CTNND2: variants seen among roughly 807,000 people sequenced by gnomAD.
CTNND2 encodes catenin delta-2.
A neutral mutation model predicts 144.4 loss-of-function variants in CTNND2; 22 were observed. The observed-to-expected ratio is 0.15, with a 90% confidence interval of 0.11 to 0.22. CTNND2 has a LOEUF of 0.22. Ranked by LOEUF, CTNND2 falls within the 10% of genes least tolerant of loss-of-function variation. The probability of loss-of-function intolerance (pLI) is 1.00; values close to 1 mark genes in which losing one functional copy is unlikely to be tolerated. For synonymous variants in CTNND2, 751 were observed against 695.6 expected (o/e 1.08, Z -1.25); for missense variants, 1,353 against 1,618.8 (o/e 0.84, Z 2.82).
chr5:10,998,151 G>A (rs1739548768), intron 18 of CTNND2, among the ~76,000 whole-genome samples: 1 of 152,170 alleles, frequency 6.6e-6, no homozygotes, highest in African/African-American at 2.4e-5. Flanking sequence ...AATCAAATAT[G>A]GAAAATGCAA....
intron 12 of CTNND2, among the ~76,000 whole-genome samples, chr5:11,154,587 C>T (rs1314389868): frequency 6.6e-6 from 1 of 152,148 alleles, no homozygotes; most frequent in African/African-American, 2.4e-5. Flanking sequence ...CATCCTCAGG[C>T]GGCTCCTTGG....
Position 11,199,671 on chromosome 5 carries a change from C to CA in CTNND2, c.1762-11dup, listed in dbSNP as rs1431336090. The CA allele has an allele frequency of 6.2e-7, 1 of 1,608,600 alleles. No individual in the cohort carries two copies. The highest frequency in any genetic ancestry group is 1.7e-4 in the Middle Eastern group (1 of 5,938). On this transcript the variant is annotated splice_polypyrimidine_tract_variant and intron_variant, in intron 10 of 21. Transcript: ENST00000304623. ...CTCCTTGTCTCCTTATCTGAAAGAG[C>CA]AAAGGACACCACTTTTGCTTTACAG...
intron 2 of CTNND2, among the ~76,000 whole-genome samples, chr5:11,714,187 A>G (rs1581762293): frequency 1.3e-5 from 2 of 152,196 alleles, no homozygotes; most frequent in African/African-American, 4.8e-5. Flanking sequence ...TGGAGCTAAC[A>G]TTGGTAGAAA....
At chr5:11,143,292 A>G (rs74875636) in intron 12 of CTNND2, among the ~76,000 whole-genome samples, 15,129 of 152,136 alleles carry the variant, frequency 0.099, 974 homozygotes, top group Non-Finnish European at 0.14. Context: ...AGTTTGCTAG[A>G]GCTGCTGTAA....
At chr5:11,058,945 C>A (rs1490909009) in intron 16 of CTNND2, among the ~76,000 whole-genome samples, 1 of 152,308 alleles carries the variant, frequency 6.6e-6, no homozygotes, top group Non-Finnish European at 1.5e-5. Flanking sequence ...TTGTTTTGGC[C>A]AATTTCTCAC....
At chr5:11,282,229 C>A (rs1747222728) in intron 9 of CTNND2, among the ~76,000 whole-genome samples, 2 of 152,252 alleles carry the variant, frequency 1.3e-5, no homozygotes, top group South Asian at 4.1e-4. Flanking sequence ...GGAAAAAAAG[C>A]AATTCATGCT....
chr5:11,538,584 G>A (rs560521402), intron 3 of CTNND2, among the ~76,000 whole-genome samples: 97 of 152,218 alleles, frequency 6.4e-4, no homozygotes, highest in African/African-American at 2.3e-3. Flanking sequence ...CTCTCTAGAT[G>A]CCCAGAAACC....
intron 5 of CTNND2, among the ~76,000 whole-genome samples, chr5:11,407,147 C>T (rs1761163063): frequency 6.6e-6 from 1 of 152,148 alleles, no homozygotes; most frequent in Admixed American, 6.5e-5. Context: ...TGGTCCTAGG[C>T]AGTTCAAGTC....
chr5:11,833,280 A>C lies in CTNND2; in HGVS notation c.37+70537T>G, dbSNP rs577719211. Among the ~76,000 whole-genome samples the C allele has an allele frequency of 2.2e-4, 34 of 152,334 alleles. No homozygotes were observed. The South Asian group carries it at 6.6e-3, about 30-fold the overall frequency. Reference sequence around the variant, plus strand: ...ACAAATTGTGACAAAGCCACAATGAATACTACTCAGTATTTTTTTAATGTA... The same window carrying C: ...ACAAATTGTGACAAAGCCACAATGACTACTACTCAGTATTTTTTTAATGTA... On this transcript the variant is annotated intron_variant, in intron 1 of 21. Coordinates refer to ENST00000304623, the MANE Select transcript of CTNND2 (RefSeq NM_001332.4).
intron 2 of CTNND2, among the ~76,000 whole-genome samples, chr5:11,606,892 C>T (rs1175891619): frequency 2.0e-5 from 3 of 152,084 alleles, no homozygotes; most frequent in Non-Finnish European, 4.4e-5. Context: ...ATGTTAGCAT[C>T]CCAATCCCCA....
intron 2 of CTNND2, among the ~76,000 whole-genome samples, chr5:11,635,825 G>C (rs753100968): frequency 1.7e-4 from 26 of 151,866 alleles, no homozygotes; most frequent in Non-Finnish European, 1.2e-4. Flanking sequence ...AAACCTTTAC[G>C]GGTTCTACTA....
intron 12 of CTNND2, among the ~76,000 whole-genome samples, chr5:11,130,773 G>A (rs2149718152): frequency 6.6e-6 from 1 of 152,266 alleles, no homozygotes; most frequent in East Asian, 1.9e-4. Flanking sequence ...CAAGCTTGGA[G>A]TAACGCCATA....
chr5:11,443,326 T>C (rs1212146611), intron 3 of CTNND2, among the ~76,000 whole-genome samples: 2 of 91,978 alleles, frequency 2.2e-5, no homozygotes, highest in Non-Finnish European at 4.0e-5. Flanking sequence ...TGTGCATGTG[T>C]GTGTGGTGTG....
intron 2 of CTNND2, among the ~76,000 whole-genome samples, chr5:11,706,475 T>C (rs1785698775): frequency 6.6e-6 from 1 of 152,098 alleles, no homozygotes; most frequent in African/African-American, 2.4e-5. Context: ...CCTTCTTAGG[T>C]ATAAAGTTTA....
At chr5:11,398,830 T>C (rs1428087965) in intron 5 of CTNND2, among the ~76,000 whole-genome samples, 3 of 150,840 alleles carry the variant, frequency 2.0e-5, no homozygotes, top group Non-Finnish European at 2.9e-5. Flanking sequence ...GGGAGATGCA[T>C]TTAGAATTTG....
At chr5:11,445,662 A>G (rs1764733383) in intron 3 of CTNND2, among the ~76,000 whole-genome samples, 1 of 152,208 alleles carries the variant, frequency 6.6e-6, no homozygotes, top group Non-Finnish European at 1.5e-5. Flanking sequence ...AACGTACCCT[A>G]ATAAAAGCCC....
At chr5:11,284,638 C>A (rs1191242694) in intron 9 of CTNND2, among the ~76,000 whole-genome samples, 1 of 152,088 alleles carries the variant, frequency 6.6e-6, no homozygotes, top group African/African-American at 2.4e-5. Context: ...GTATATGTAC[C>A]ACATTTTCTT....
At chr5:11,872,070 T>C (rs1735179018) in intron 1 of CTNND2, among the ~76,000 whole-genome samples, 1 of 151,948 alleles carries the variant, frequency 6.6e-6, no homozygotes, top group African/African-American at 2.4e-5. Context: ...TGTGTGATGT[T>C]CCCCTCCCTG....
At chr5:11,044,222 C>T (rs1314865268) in intron 16 of CTNND2, among the ~76,000 whole-genome samples, 1 of 152,178 alleles carries the variant, frequency 6.6e-6, no homozygotes, top group Non-Finnish European at 1.5e-5. Context: ...ACCAAACATG[C>T]CCTGCACACT....
Sources: gnomAD v4.1 joint callset for allele counts (sites outside exome capture counted in the v4.1 genomes callset) on GRCh38, gnomAD v4.1.1 for gene constraint, MANE v1.5 for transcripts, NCBI Gene and HGNC (gene_info 2026-07-23, HGNC 2026-07-21) for gene names.